The following NLGN1 variants were observed in gnomAD, a reference collection of about 807,000 sequenced individuals.
NLGN1 encodes neuroligin 1, also known as neuroligin-1.
A neutral mutation model predicts 65.5 loss-of-function variants in NLGN1; 12 were observed. The ratio of observed to expected loss-of-function variants is 0.18; its 90% confidence interval spans 0.12 to 0.30. NLGN1 has a LOEUF of 0.30. Ranked by LOEUF, NLGN1 falls within the 10% of genes least tolerant of loss-of-function variation. The probability of loss-of-function intolerance (pLI) is 1.00; values close to 1 mark genes in which losing one functional copy is unlikely to be tolerated. For synonymous variants in NLGN1, 350 were observed against 359.5 expected (o/e 0.97, Z 0.30); for missense variants, 750 against 1,007.1 (o/e 0.74, Z 3.46).
chr3:173,889,702 G>A (rs140755658), intron 4 of NLGN1, among the ~76,000 whole-genome samples: 40 of 152,258 alleles, frequency 2.6e-4, no homozygotes, highest in African/African-American at 8.9e-4. Flanking sequence ...GTCTGGCAAC[G>A]ACCATGATAG....
intron 1 of NLGN1, among the ~76,000 whole-genome samples, chr3:173,428,481 A>C (rs1417270654): frequency 6.6e-6 from 1 of 152,016 alleles, no homozygotes; most frequent in African/African-American, 2.4e-5. Context: ...GGCTTACAAA[A>C]TATTTTATGG....
In NLGN1 at chr3:173,707,374, A is replaced by T. The variant is rs539708347; in HGVS notation, c.494-100306A>T. ...CCTCATCTTCTGTGAACCTCAGTTT[A>T]ATTCATCTGTGAAACTAAGGGAATA... On this transcript the variant is annotated intron_variant, in intron 3 of 6. Coordinates refer to ENST00000457714, the Ensembl canonical transcript of NLGN1. 1.6e-4 allele frequency among the ~76,000 whole-genome samples: 24 copies of T among 152,342 alleles called. No individual in the cohort carries two copies. In the East Asian group the frequency reaches 3.9e-3, roughly 24 times the overall value.
At chr3:173,897,603 T>C (rs1401343494) in intron 4 of NLGN1, among the ~76,000 whole-genome samples, 3 of 152,200 alleles carry the variant, frequency 2.0e-5, no homozygotes, top group African/African-American at 7.2e-5. Flanking sequence ...CAATGACAAT[T>C]TACATTTTGA....
chr3:174,206,921 T>C (rs1285755694), intron 4 of NLGN1, among the ~76,000 whole-genome samples: 1 of 152,154 alleles, frequency 6.6e-6, no homozygotes, highest in East Asian at 1.9e-4. Context: ...TAAGTACTTC[T>C]GGTTGAAAGT....
At chr3:173,747,187 AAT>A (rs1028802011) in intron 3 of NLGN1, among the ~76,000 whole-genome samples, 5 of 147,214 alleles carry the variant, frequency 3.4e-5, no homozygotes, top group South Asian at 2.1e-4. Flanking sequence ...GTCTCAAAAC[AAT>A]ATATATATAA....
At chr3:173,938,919 C>T (rs767536469) in intron 4 of NLGN1, among the ~76,000 whole-genome samples, 12 of 152,102 alleles carry the variant, frequency 7.9e-5, no homozygotes, top group Non-Finnish European at 1.8e-4. Flanking sequence ...CTAACTGAGT[C>T]AGAGATATAA....
chr3:173,911,832 A>C (rs972286967), intron 4 of NLGN1, among the ~76,000 whole-genome samples: 1 of 152,204 alleles, frequency 6.6e-6, no homozygotes, highest in African/African-American at 2.4e-5. Context: ...ATGCTGGCTA[A>C]AAGGATCCCT....
rs1243003865 is a variant in NLGN1, at chr3:174,067,953, A to G, written c.647-207362A>G. On this transcript the variant is annotated intron_variant, in intron 4 of 6. Transcript: ENST00000457714. Reference sequence around the variant, plus strand: ...ATACCCTAGTTCTTTAAAGTAATATAGGATCTCCTCTCAACAGGCTGGCCT... The same window carrying G: ...ATACCCTAGTTCTTTAAAGTAATATGGGATCTCCTCTCAACAGGCTGGCCT... 3.3e-4 allele frequency among the ~76,000 whole-genome samples: 50 copies of G among 152,180 alleles called. 2 individuals are homozygous for G. Among genetic ancestry groups the G allele is most frequent in the Admixed American group, 3.3e-3 (50 of 15,262 alleles).
chr3:173,478,709 C>A (rs1026557354), intron 2 of NLGN1, among the ~76,000 whole-genome samples: 3 of 151,750 alleles, frequency 2.0e-5, no homozygotes, highest in African/African-American at 7.3e-5. Context: ...TCACATGAGG[C>A]CAGGAGTTCG....
At chr3:173,938,915 G>A (rs1250459847) in intron 4 of NLGN1, among the ~76,000 whole-genome samples, 3 of 152,138 alleles carry the variant, frequency 2.0e-5, no homozygotes, top group African/African-American at 7.2e-5. Context: ...CCAGCTAACT[G>A]AGTCAGAGAT....
intron 4 of NLGN1, among the ~76,000 whole-genome samples, chr3:173,935,151 G>GC (rs1744818920): frequency 6.6e-6 from 1 of 151,902 alleles, no homozygotes; most frequent in Non-Finnish European, 1.5e-5. Flanking sequence ...TATTCCCACT[G>GC]CCTTAGTTCA....
intron 1 of NLGN1, among the ~76,000 whole-genome samples, chr3:173,424,698 C>G (rs1025536609): frequency 2.0e-5 from 3 of 152,186 alleles, no homozygotes; most frequent in Non-Finnish European, 4.4e-5. Flanking sequence ...AGTTCCTTAT[C>G]TCCTTCTGAG....
chr3:174,213,579 C>T (rs1737082323), intron 4 of NLGN1, among the ~76,000 whole-genome samples: 1 of 152,072 alleles, frequency 6.6e-6, no homozygotes, highest in African/African-American at 2.4e-5. Flanking sequence ...TCTTTTCTAC[C>T]AGGCAGAAAT....
chr3:173,472,637 C>A (rs1725492765), intron 2 of NLGN1, among the ~76,000 whole-genome samples: 2 of 151,712 alleles, frequency 1.3e-5, no homozygotes, highest in South Asian at 4.2e-4. Context: ...ATCCTGTATT[C>A]AATATTTCTG....
chr3:174,263,306 G>A (rs1747330795), intron 4 of NLGN1, among the ~76,000 whole-genome samples: 2 of 144,642 alleles, frequency 1.4e-5, no homozygotes, highest in South Asian at 4.6e-4. Context: ...CATTATTAAT[G>A]TGTGGGAGTC....
At chr3:173,493,100 C>G (rs1210816914) in intron 2 of NLGN1, among the ~76,000 whole-genome samples, 1 of 151,680 alleles carries the variant, frequency 6.6e-6, no homozygotes, top group African/African-American at 2.4e-5. Context: ...AAAGTTTTAC[C>G]TATGGTAAAT....
At chr3:173,548,019 C>G (rs544670798) in intron 2 of NLGN1, among the ~76,000 whole-genome samples, 2 of 152,080 alleles carry the variant, frequency 1.3e-5, no homozygotes, top group Non-Finnish European at 2.9e-5. Flanking sequence ...TTTTCTCCCA[C>G]TATAATAACT....
At chr3:173,952,641 A>C (rs553431248) in intron 4 of NLGN1, among the ~76,000 whole-genome samples, 3 of 152,210 alleles carry the variant, frequency 2.0e-5, no homozygotes, top group Admixed American at 6.5e-5. Flanking sequence ...AAATCAGTCT[A>C]TATGTACAAC....
intron 2 of NLGN1, among the ~76,000 whole-genome samples, chr3:173,444,796 A>C (rs1346746065): frequency 6.6e-6 from 1 of 152,062 alleles, no homozygotes; most frequent in Admixed American, 6.5e-5. Context: ...GTATATATAA[A>C]TATAAATGTG....
Sources: allele counts gnomAD v4.1 joint callset (sites outside exome capture counted in the v4.1 genomes callset), GRCh38; gene constraint gnomAD v4.1.1; transcripts MANE v1.5; gene names NCBI Gene and HGNC (gene_info 2026-07-23, HGNC 2026-07-21).